Variants in MACO1 observed in about 807,000 individuals in gnomAD.
MACO1 encodes macoilin.
MACO1 carries 14 observed loss-of-function variants against 78.7 expected under a neutral mutation model. The ratio of observed to expected loss-of-function variants is 0.18; its 90% CI spans 0.12 to 0.28. The LOEUF is 0.28. Among genes scored for constraint, MACO1 ranks in the 10% least tolerant of loss-of-function variants. The probability of loss-of-function intolerance (pLI) is 1.00; values close to 1 mark genes in which losing one functional copy is unlikely to be tolerated. For synonymous variants in MACO1, 288 were observed against 291.6 expected (o/e 0.99, Z 0.12); for missense variants, 501 against 799.0 (o/e 0.63, Z 4.50).
At chr1:25,465,875 G>A (rs1443366014) in intron 6 of MACO1, among the ~76,000 whole-genome samples, 5 of 152,032 alleles carry the variant, frequency 3.3e-5, no homozygotes, top group Admixed American at 6.6e-5. Context: ...CAGGCTTTTC[G>A]CATCTGGCTT....
At chr1:25,437,899 C>T (rs531481650) in intron 1 of MACO1, among the ~76,000 whole-genome samples, 1 of 152,018 alleles carries the variant, frequency 6.6e-6, no homozygotes, top group African/African-American at 2.4e-5. Flanking sequence ...CCAGCCTGGG[C>T]AATAGAGCAA....
At chr1:25,454,123 G>C in intron 3 of MACO1, 136 bp from the exon 4 acceptor site, 1 of 1,043,334 alleles carries the variant, frequency 9.6e-7, no homozygotes, top group East Asian at 3.1e-5. Context: ...TTTCAGTTTG[G>C]ATCAGTTTGC....
intron 6 of MACO1, among the ~76,000 whole-genome samples, chr1:25,464,891 C>T (rs1216572676): frequency 2.6e-5 from 4 of 151,884 alleles, no homozygotes; most frequent in African/African-American, 4.8e-5. Flanking sequence ...ACCAGCTGGT[C>T]TTGAACTCCT....
chr1:25,445,382 A>G (rs983872625), intron 1 of MACO1, among the ~76,000 whole-genome samples: 1 of 152,004 alleles, frequency 6.6e-6, no homozygotes, highest in African/African-American at 2.4e-5. Context: ...ACTTATTATC[A>G]AACCTAAAGA....
At chr1:25,486,332 T>C (rs991525262) in intron 8 of MACO1, among the ~76,000 whole-genome samples, 1 of 152,160 alleles carries the variant, frequency 6.6e-6, no homozygotes, top group Non-Finnish European at 1.5e-5. Flanking sequence ...TGGAATTACA[T>C]TTATGGCATA....
At chr1:25,493,983 G>A (rs550910715) in intron 10 of MACO1, among the ~76,000 whole-genome samples, 7 of 151,870 alleles carry the variant, frequency 4.6e-5, no homozygotes, top group East Asian at 1.9e-4. Context: ...CACCCGCCTC[G>A]GCCTCCCAAA....
chr1:25,484,187 G>T lies in MACO1; in HGVS notation c.1226G>T (p.Ser409Ile). Reference protein sequence around the residue: ...ASRQVEQELRSQISSLSSTER... With the variant: ...ASRQVEQELRIQISSLSSTER... ...AGACAAGTGGAACAAGAGCTCCGCA[G>T]TCAGATCAGCTCCCTTTCGAGCACC... The change falls in exon 7 of 11, where the codon AGT becomes ATT. Residue 409 changes from serine (S) to isoleucine (I), a missense_variant. Physicochemically the swap from Ser to Ile is moderately radical, Grantham distance 142. Coordinates refer to ENST00000374343, the MANE Select transcript of MACO1 (RefSeq NM_018202.6). The T allele has an allele frequency of 6.2e-7, 1 of 1,614,084 alleles. No individual in the cohort carries two copies. The highest frequency in any genetic ancestry group is 8.5e-7 in the Non-Finnish European group (1 of 1,180,014).
chr1:25,448,451 G>C lies in MACO1; in HGVS notation c.223-357G>C, dbSNP rs551012347. 5.1e-4 allele frequency among the ~76,000 whole-genome samples: 77 copies of C among 151,966 alleles called. 1 individual carries two copies. The highest frequency in any genetic ancestry group is 1.7e-3 in the African/African-American group (71 of 41,452). On this transcript the variant is annotated intron_variant, in intron 2 of 10. Coordinates refer to ENST00000374343, the MANE Select transcript of MACO1 (RefSeq NM_018202.6). ...TGCACTCCAGCCTGGGTGACAGAGC[G>C]AGACTCCATCTCAAAAAAGAAAAAA... is the stretch of plus-strand genomic sequence containing the variant.
intron 6 of MACO1, among the ~76,000 whole-genome samples, chr1:25,474,704 G>A (rs1453262684): frequency 6.6e-6 from 1 of 152,190 alleles, no homozygotes; most frequent in Non-Finnish European, 1.5e-5. Flanking sequence ...CTCCATCTGT[G>A]TCTAGGACTG....
chr1:25,493,050 C>CA (rs1413810490), intron 10 of MACO1, among the ~76,000 whole-genome samples: 1 of 152,114 alleles, frequency 6.6e-6, no homozygotes, highest in Non-Finnish European at 1.5e-5. Flanking sequence ...CAGGGACTGA[C>CA]AGAGTAGTCA....
At chr1:25,487,600 T>C (rs1232185695) in intron 8 of MACO1, among the ~76,000 whole-genome samples, 1 of 152,224 alleles carries the variant, frequency 6.6e-6, no homozygotes, top group Non-Finnish European at 1.5e-5. Context: ...ATCATCTCTT[T>C]TAGCTCAACC....
chr1:25,462,068 G>A (rs1403054658), intron 6 of MACO1, among the ~76,000 whole-genome samples: 1 of 152,290 alleles, frequency 6.6e-6, no homozygotes, highest in East Asian at 1.9e-4. Flanking sequence ...GATTGTGACT[G>A]ATTCAAACCT....
intron 4 of MACO1, among the ~76,000 whole-genome samples, chr1:25,455,259 A>G (rs1049548120): frequency 1.3e-5 from 2 of 152,144 alleles, no homozygotes; most frequent in Admixed American, 1.3e-4. Flanking sequence ...GAATATTAAG[A>G]TATTATTCAT....
At chr1:25,448,766 T>C (rs777758895) in intron 2 of MACO1, 42 bp from the exon 3 acceptor site, 6 of 1,458,510 alleles carry the variant, frequency 4.1e-6, no homozygotes, top group Non-Finnish European at 5.5e-6. Flanking sequence ...AAATAACAGG[T>C]TCTAAGATGT....
chr1:25,433,107 T>C (rs2042889830), intron 1 of MACO1, among the ~76,000 whole-genome samples: 1 of 152,250 alleles, frequency 6.6e-6, no homozygotes, highest in Non-Finnish European at 1.5e-5. Flanking sequence ...AATCTTCTTA[T>C]GCTTCTCTGT....
At chr1:25,486,065 A>T (rs1016480978) in intron 8 of MACO1, among the ~76,000 whole-genome samples, 3 of 152,226 alleles carry the variant, frequency 2.0e-5, no homozygotes, top group Non-Finnish European at 2.9e-5. Context: ...TACTGCTCAT[A>T]AAAAGGTTTC....
chr1:25,479,955 A>G (rs546649618), intron 6 of MACO1, among the ~76,000 whole-genome samples: 2 of 152,288 alleles, frequency 1.3e-5, no homozygotes, highest in South Asian at 2.1e-4. Flanking sequence ...AAAAACATAC[A>G]GAAAAGAGGT....
chr1:25,472,818 G>A (rs895323765), intron 6 of MACO1, among the ~76,000 whole-genome samples: 5 of 152,204 alleles, frequency 3.3e-5, no homozygotes, highest in South Asian at 4.2e-4. Context: ...GACCACAGCC[G>A]GCCTTTCTAC....
chr1:25,459,170 C>A (rs996063675), intron 6 of MACO1, among the ~76,000 whole-genome samples: 1 of 152,102 alleles, frequency 6.6e-6, no homozygotes, highest in African/African-American at 2.4e-5. Context: ...TAAGGCACTT[C>A]TTTGGTCCTT....
Sources: allele counts gnomAD v4.1 joint callset (sites outside exome capture counted in the v4.1 genomes callset), GRCh38; gene constraint gnomAD v4.1.1; transcripts MANE v1.5; gene names NCBI Gene and HGNC (gene_info 2026-07-23, HGNC 2026-07-21).